DIAPH2: variants seen among roughly 807,000 people sequenced by gnomAD.
DIAPH2 encodes diaphanous related formin 2.
A neutral mutation model predicts 92.7 loss-of-function variants in DIAPH2; 35 were observed. The ratio of observed to expected loss-of-function variants is 0.38; its 90% CI spans 0.29 to 0.50. The LOEUF (loss-of-function observed/expected upper bound fraction) is 0.50. Among genes scored for constraint, DIAPH2 ranks in the 20% least tolerant of loss-of-function variants. The pLI, the probability that DIAPH2 is intolerant of heterozygous loss-of-function variation, is 0.94. For missense variants in DIAPH2, 701 were observed against 819.5 expected (o/e 0.86, Z 1.77); for synonymous variants, 301 against 280.4 (o/e 1.07, Z -0.73).
intron 24 of DIAPH2, among the ~76,000 whole-genome samples, chrX:97,368,906 T>TTTTC (rs1227397886): frequency 1.2e-5 from 1 of 83,861 alleles, no homozygotes; most frequent in Non-Finnish European, 2.3e-5. Flanking sequence ...TTTCTTTTTT[T>TTTTC]TTTTTTTTTT....
At chrX:97,044,621 C>T (rs2066468977) in intron 17 of DIAPH2, among the ~76,000 whole-genome samples, 1 of 111,044 alleles carries the variant, frequency 9.0e-6, no homozygotes, top group Non-Finnish European at 1.9e-5. Context: ...GTTCCCATTC[C>T]TCAGTGATTT....
chrX:97,050,973 C>T (rs1330708132), intron 17 of DIAPH2, among the ~76,000 whole-genome samples: 1 of 111,264 alleles, frequency 9.0e-6, no homozygotes, highest in African/African-American at 3.2e-5. Context: ...TCTGTAAATA[C>T]CTTAGATACC....
At chrX:97,265,699 C>T (rs950070167) in intron 23 of DIAPH2, among the ~76,000 whole-genome samples, 6 of 111,749 alleles carry the variant, frequency 5.4e-5, no homozygotes, top group Non-Finnish European at 7.5e-5. Context: ...GCCAATATGG[C>T]TGGTTGTGTG....
intron 4 of DIAPH2, among the ~76,000 whole-genome samples, chrX:96,772,366 A>G (rs1340954011): frequency 1.8e-5 from 2 of 111,849 alleles, no homozygotes; most frequent in Non-Finnish European, 3.8e-5. Flanking sequence ...AAATTCTTGG[A>G]GGCTAGTTAG....
intron 22 of DIAPH2, among the ~76,000 whole-genome samples, chrX:97,246,382 A>C (rs1287456048): frequency 1.8e-5 from 2 of 112,525 alleles, no homozygotes. Flanking sequence ...GTGAACCATT[A>C]GCAAATTTTT....
At chrX:97,494,091 G>A (rs2070742345) in intron 26 of DIAPH2, among the ~76,000 whole-genome samples, 1 of 89,787 alleles carries the variant, frequency 1.1e-5, no homozygotes, top group South Asian at 5.7e-4. Context: ...GTATATATTT[G>A]TGTGTATATA....
chrX:96,884,582 G>A (rs2065245077), intron 5 of DIAPH2: 1 of 1,210,967 alleles, frequency 8.3e-7, no homozygotes, highest in South Asian at 1.8e-5. Context: ...AATCACATTT[G>A]TTACAAAATT....
In DIAPH2 at chrX:96,950,131, T is replaced by C. The variant is rs1485058816; in HGVS notation, c.1614+1092T>C. Among the ~76,000 whole-genome samples, 4 of 111,515 alleles carry C rather than the reference T, an allele frequency of 3.6e-5. No homozygotes were observed. In the Admixed American group the frequency reaches 3.8e-4, roughly 11 times the overall value. On this transcript the variant is annotated intron_variant, in intron 15 of 26. Transcript: ENST00000324765. ...CCTCTCTTTTTCTTGGACTTCTTTT[T>C]CTACATGTTTGAGAACTTAGTTTCT... is the stretch of plus-strand genomic sequence containing the variant.
intron 26 of DIAPH2, among the ~76,000 whole-genome samples, chrX:97,519,328 T>C (rs760946310): frequency 4.5e-5 from 5 of 111,734 alleles, no homozygotes; most frequent in Middle Eastern, 4.6e-3. Context: ...TGTCCTCCGT[T>C]GCATTGAAAA....
In DIAPH2 at chrX:97,378,830, T is replaced by C. The variant is rs768347932; in HGVS notation, c.3010-5079T>C. ...ATAATACACACCACGTTTCTTTATATTGTTGCCAAATCATTTCTCTCAGTA... is the reference window on the plus strand; with the variant it reads ...ATAATACACACCACGTTTCTTTATACTGTTGCCAAATCATTTCTCTCAGTA... On this transcript the variant is annotated intron_variant, in intron 24 of 26. Transcript: ENST00000324765. Among the ~76,000 whole-genome samples the C allele has an allele frequency of 3.6e-5, 4 of 112,316 alleles. No individual in the cohort carries two copies. The South Asian group carries it at 1.5e-3, about 42-fold the overall frequency.
At chrX:96,928,749 ACTT>A (rs1344670445) in intron 9 of DIAPH2, among the ~76,000 whole-genome samples, 2 of 111,324 alleles carry the variant, frequency 1.8e-5, no homozygotes, top group African/African-American at 6.5e-5. Flanking sequence ...TTTAAAACTG[ACTT>A]CACAATATCT....
intron 3 of DIAPH2, among the ~76,000 whole-genome samples, chrX:96,746,676 C>T (rs1381458842): frequency 9.1e-6 from 1 of 110,183 alleles, no homozygotes; most frequent in Admixed American, 9.7e-5. Flanking sequence ...ACCTCAGCAT[C>T]CTGAGTAGCT....
intron 2 of DIAPH2, among the ~76,000 whole-genome samples, chrX:96,736,588 G>A (rs1052799953): frequency 9.0e-6 from 1 of 111,473 alleles, no homozygotes; most frequent in African/African-American, 3.3e-5. Context: ...TGTATTTTTA[G>A]TAGAGATGGG....
chrX:96,900,739 A>G (rs780933610), intron 5 of DIAPH2, among the ~76,000 whole-genome samples: 20 of 112,054 alleles, frequency 1.8e-4, no homozygotes, highest in Admixed American at 1.2e-3. Context: ...AATTCTGTTT[A>G]TGTGATTTAT....
intron 22 of DIAPH2, among the ~76,000 whole-genome samples, chrX:97,231,235 T>C (rs1299080250): frequency 4.3e-5 from 4 of 92,530 alleles, no homozygotes; most frequent in Non-Finnish European, 8.5e-5. Flanking sequence ...TATTAATTCT[T>C]TCAGGCTTTT....
chrX:97,427,492 G>A (rs2070079654), intron 25 of DIAPH2, among the ~76,000 whole-genome samples: 1 of 111,345 alleles, frequency 9.0e-6, no homozygotes, highest in Admixed American at 9.6e-5. Flanking sequence ...AGTATGTTGT[G>A]AGGATTAAAA....
At chrX:97,220,564 G>T (rs375174959) in intron 22 of DIAPH2, among the ~76,000 whole-genome samples, 1 of 111,593 alleles carries the variant, frequency 9.0e-6, no homozygotes, top group Admixed American at 9.5e-5. Flanking sequence ...CAGAGGGGCC[G>T]TGGTAAAATG....
intron 16 of DIAPH2, among the ~76,000 whole-genome samples, chrX:96,962,448 TACACACAC>T: frequency 1.5e-5 from 1 of 66,867 alleles, no homozygotes; most frequent in Non-Finnish European, 2.5e-5. Context: ...TATACATATA[TACACACAC>T]ATATATATAT....
intron 17 of DIAPH2, among the ~76,000 whole-genome samples, chrX:97,049,054 T>C (rs1318004723): frequency 9.0e-6 from 1 of 110,891 alleles, no homozygotes; most frequent in Non-Finnish European, 1.9e-5. Context: ...GAAAGGCAAG[T>C]TACTTTTAAG....
Sources: gnomAD v4.1 joint callset for allele counts (sites outside exome capture counted in the v4.1 genomes callset) on GRCh38, gnomAD v4.1.1 for gene constraint, MANE v1.5 for transcripts, NCBI Gene and HGNC (gene_info 2026-07-23, HGNC 2026-07-21) for gene names.